KIF23: variants seen among roughly 807,000 people sequenced by gnomAD.
The protein encoded by KIF23 is kinesin-like protein KIF23.
KIF23 carries 30 observed loss-of-function variants against 137.5 expected under a neutral mutation model. The observed-to-expected ratio is 0.22, with a 90% CI of 0.16 to 0.30. The LOEUF (loss-of-function observed/expected upper bound fraction) is 0.30, where lower values mean the gene tolerates loss of function less well. Among genes scored for constraint, KIF23 ranks in the 10% least tolerant of loss-of-function variants. KIF23 has a pLI of 1.00. For synonymous variants in KIF23, 367 were observed against 391.1 expected (o/e 0.94, Z 0.73); for missense variants, 920 against 1,194.3 (o/e 0.77, Z 3.38).
intron 3 of KIF23, among the ~76,000 whole-genome samples, chr15:69,417,982 A>T (rs963852648): frequency 2.6e-5 from 4 of 152,094 alleles, no homozygotes; most frequent in African/African-American, 4.8e-5. Flanking sequence ...GAAGGAGATT[A>T]AAAAAAAGAG....
At chr15:69,424,756 C>T (rs763784005) in intron 7 of KIF23, among the ~76,000 whole-genome samples, 3 of 152,202 alleles carry the variant, frequency 2.0e-5, no homozygotes, top group Admixed American at 6.5e-5. Flanking sequence ...AGTCCTCCCA[C>T]CTTGGTCTCC....
chr15:69,439,772 G>A, intron 16 of KIF23, 132 bp from the exon 17 acceptor site: 1 of 547,020 alleles, frequency 1.8e-6, no homozygotes, highest in Non-Finnish European at 3.0e-6. Context: ...TGAAATGTTA[G>A]AGAAAAAAGT....
At chr15:69,427,952 C>T (rs990620964) in intron 10 of KIF23, among the ~76,000 whole-genome samples, 3 of 152,132 alleles carry the variant, frequency 2.0e-5, no homozygotes, top group African/African-American at 7.2e-5. Context: ...CCCTCAATAA[C>T]CGTTAGCTAG....
intron 23 of KIF23, 91 bp downstream of exon 23, chr15:69,447,032 T>C (rs1387981242): frequency 1.3e-4 from 156 of 1,191,770 alleles, no homozygotes; most frequent in East Asian, 2.3e-5. Context: ...CATCCACTTA[T>C]TCTTCAGAAG....
chr15:69,434,687 CT>C, intron 11 of KIF23: 2 of 1,479,156 alleles, frequency 1.4e-6, no homozygotes, highest in Non-Finnish European at 9.4e-7. Context: ...CGCCGTTGAC[CT>C]TGAGCCAGAG....
chr15:69,439,819 G>T, intron 16 of KIF23, 85 bp from the exon 17 acceptor site: 3 of 1,016,090 alleles, frequency 3.0e-6, no homozygotes, highest in Non-Finnish European at 4.2e-6. Context: ...AAATATGCTT[G>T]CATAAGCAAA....
intron 19 of KIF23, chr15:69,443,467 T>C (rs1183758411): frequency 6.7e-6 from 1 of 149,958 alleles, no homozygotes; most frequent in Non-Finnish European, 1.5e-5. Context: ...GCCTCCTGAG[T>C]AGCTGGGACC....
At chr15:69,438,172 T>C in intron 15 of KIF23, 76 bp from the exon 16 acceptor site, 1 of 1,263,598 alleles carries the variant, frequency 7.9e-7, no homozygotes, top group African/African-American at 1.5e-5. Context: ...TTTTATCTAG[T>C]GTCTGCTAGC....
chr15:69,441,223 G>C, intron 19 of KIF23, 144 bp downstream of exon 19: 1 of 799,004 alleles, frequency 1.3e-6, no homozygotes, highest in Non-Finnish European at 1.9e-6. Flanking sequence ...TTGAAAGATT[G>C]ACTTACGGAA....
chr15:69,419,012 T>C (rs2056986385), intron 3 of KIF23, among the ~76,000 whole-genome samples: 1 of 151,944 alleles, frequency 6.6e-6, no homozygotes, highest in African/African-American at 2.4e-5. Context: ...AGCTACTCAG[T>C]AGCCTGAGAC....
intron 10 of KIF23, 147 bp downstream of exon 10, chr15:69,426,604 C>T (rs2057199480): frequency 2.6e-6 from 2 of 766,494 alleles, no homozygotes; most frequent in East Asian, 5.1e-5. Flanking sequence ...TCCTGTAATC[C>T]CAGCTACTTG....
intron 10 of KIF23, 77 bp downstream of exon 10, chr15:69,426,534 A>G (rs1165484963): frequency 1.3e-6 from 2 of 1,519,084 alleles, no homozygotes; most frequent in African/African-American, 2.8e-5. Flanking sequence ...TCCAGCCAAC[A>G]TGGCAAAAAC....
chr15:69,445,865 G>A lies in KIF23; in HGVS notation c.2674-144G>A, dbSNP rs559693439. 8.5e-4 allele frequency: 541 copies of A among 636,800 alleles called. 2 individuals carry two copies. Among genetic ancestry groups the A allele is most frequent in the Non-Finnish European group, 1.3e-3 (455 of 358,760 alleles). The allele number at this position is 636,800 out of a possible 1,614,324, so 39.4% of individuals were successfully genotyped here. ...AATTTCTAAATTATTTTGATAGTAC[G>A]TACTCAGCAAGTACCAAGTACCATC... On this transcript the variant is annotated intron_variant, in intron 20 of 23. Transcript: ENST00000679126.
chr15:69,417,504 A>G lies in KIF23; in HGVS notation c.203A>G (p.Tyr68Cys), dbSNP rs187707408. 1.9e-5 allele frequency: 31 copies of G among 1,611,674 alleles called. No individual in the cohort carries two copies. Among genetic ancestry groups the G allele is most frequent in the Admixed American group, 1.9e-4 (11 of 59,378 alleles). Residue 68 changes from tyrosine (Y) to cysteine (C), a missense_variant, in exon 3 of 24, where the codon TAT (tyrosine) becomes TGT (cysteine). Physicochemically the swap from Tyr to Cys is radical, Grantham distance 194. Transcript: ENST00000679126. The part of the protein sequence containing the change: ...EGYRLNRNGD[Y>C]KETQYSFKQV... Reference sequence around the variant, plus strand: ...TACAGACTCAACCGAAATGGAGACTATAAGGAGGTAATTCTGATTTGGACC... The same window carrying G: ...TACAGACTCAACCGAAATGGAGACTGTAAGGAGGTAATTCTGATTTGGACC...
At chr15:69,438,602 G>A (rs984705764) in intron 16 of KIF23, among the ~76,000 whole-genome samples, 197 bp downstream of exon 16, 6 of 151,978 alleles carry the variant, frequency 3.9e-5, no homozygotes, top group African/African-American at 1.2e-4. Context: ...GTTCAAGAAC[G>A]AGCCTGGCCA....
At chr15:69,428,369 T>C (rs887837082) in intron 10 of KIF23, among the ~76,000 whole-genome samples, 2 of 151,872 alleles carry the variant, frequency 1.3e-5, no homozygotes, top group Non-Finnish European at 2.9e-5. Context: ...TTTATAAGAA[T>C]TATTTGCTGG....
intron 22 of KIF23, 126 bp from the exon 23 acceptor site, chr15:69,446,744 CG>C: frequency 2.3e-6 from 2 of 858,198 alleles, no homozygotes; most frequent in Non-Finnish European, 3.9e-6. Context: ...GGTGTTTTAA[CG>C]TAAGAGTCTT....
rs1167375794 is a variant in KIF23, at chr15:69,425,297, C to T, written c.750C>T (p.Ser250=). ...CCTTTGGTAGGTGGAACAGTTGCAGCACACCCATGAGGAACACAGATTTTG... is the reference window on the plus strand; with the variant it reads ...CCTTTGGTAGGTGGAACAGTTGCAGTACACCCATGAGGAACACAGATTTTG... ...DPIKPKWNSC[S]TPMRNTDFVP... Residue 250 remains serine, a synonymous_variant, in exon 8 of 24, where the codon AGC becomes AGT. Transcript: ENST00000679126. 6.5e-7 allele frequency: 1 copy of T among 1,535,906 alleles called. No homozygotes were observed. Among genetic ancestry groups the T allele is most frequent in the Non-Finnish European group, 8.7e-7 (1 of 1,146,798 alleles).
rs2057739448 is a variant in KIF23 at position 69,446,307 on chromosome 15, A to G, written c.2781A>G (p.Thr927=). The change falls in exon 22 of 24, where the codon ACA becomes ACG. Residue 927 remains threonine, a synonymous_variant. Transcript: ENST00000679126. ...GTAGTCGAAAACGAAGATCTTCCAC[A>G]GTAGCACCTGCCCAACCAGATGGTG... ...PNGSRKRRSS[T]VAPAQPDGAE... is the part of the protein sequence containing the mutation. The G allele has an allele frequency of 1.9e-6, 3 of 1,614,058 alleles. No individual in the cohort carries two copies. In the African/African-American group the frequency reaches 4.0e-5, roughly 22 times the overall value.
Sources: gnomAD v4.1 joint callset for allele counts (sites outside exome capture counted in the v4.1 genomes callset) on GRCh38, gnomAD v4.1.1 for gene constraint, MANE v1.5 for transcripts, NCBI Gene and HGNC (gene_info 2026-07-23, HGNC 2026-07-21) for gene names.